TDRP: variants seen among roughly 807,000 people sequenced by gnomAD.
TDRP encodes the protein testis development-related protein.
TDRP carries 12 observed loss-of-function variants against 10.5 expected under a neutral mutation model. The observed-to-expected ratio is 1.15, with a 90% CI of 0.73 to 1.86. The LOEUF is 1.86. Among genes scored for constraint, TDRP ranks in the 40% most tolerant of loss-of-function variants. The probability of loss-of-function intolerance (pLI) is 0.00; values close to 1 mark genes in which losing one functional copy is unlikely to be tolerated. For synonymous variants in TDRP, 139 were observed against 95.4 expected, an observed-to-expected ratio of 1.46 and a Z score of -2.67; for missense variants, 353 against 229.2, an observed-to-expected ratio of 1.54 and a Z score of -3.49.
chr8:525,265 C>T (rs1802006741), intron 1 of TDRP, among the ~76,000 whole-genome samples: 1 of 152,090 alleles, frequency 6.6e-6, no homozygotes, highest in Admixed American at 6.5e-5. Flanking sequence ...CAAACAAAAG[C>T]TGAGGATTTT....
chr8:509,059 T>C (rs1801541149), intron 1 of TDRP, among the ~76,000 whole-genome samples: 1 of 152,208 alleles, frequency 6.6e-6, no homozygotes, highest in African/African-American at 2.4e-5. Context: ...CACAACCAGC[T>C]CGTGCTGATG....
intron 1 of TDRP, among the ~76,000 whole-genome samples, chr8:498,284 C>T (rs1563116630): frequency 6.6e-6 from 1 of 152,336 alleles, no homozygotes; most frequent in East Asian, 1.9e-4. Flanking sequence ...GCCACAGGGT[C>T]TGTGGAGATG....
chr8:522,798 A>G (rs762876568), intron 1 of TDRP, among the ~76,000 whole-genome samples: 18 of 152,266 alleles, frequency 1.2e-4, no homozygotes, highest in Non-Finnish European at 2.2e-4. Flanking sequence ...GTGTTTTGTG[A>G]CAGTTTTTGA....
chr8:508,899 G>A (rs1283195572), intron 1 of TDRP, among the ~76,000 whole-genome samples: 1 of 152,196 alleles, frequency 6.6e-6, no homozygotes, highest in African/African-American at 2.4e-5. Flanking sequence ...AGATACAATG[G>A]AGATACAGAC....
At chr8:510,274 T>C (rs1201869602) in intron 1 of TDRP, among the ~76,000 whole-genome samples, 2 of 152,212 alleles carry the variant, frequency 1.3e-5, no homozygotes, top group Admixed American at 6.5e-5. Flanking sequence ...AACCCTCTAA[T>C]TGCATGTTTG....
At chr8:537,020 A>G (rs949084763) in intron 1 of TDRP, among the ~76,000 whole-genome samples, 1 of 152,188 alleles carries the variant, frequency 6.6e-6, no homozygotes, top group East Asian at 1.9e-4. Flanking sequence ...ATCTGCATCA[A>G]GATCAGCTCC....
chr8:527,752 A>C (rs1042949423), intron 1 of TDRP, among the ~76,000 whole-genome samples: 6 of 152,192 alleles, frequency 3.9e-5, no homozygotes, highest in East Asian at 3.8e-4. Flanking sequence ...CACACACACA[A>C]AAAATCAAAT....
At chr8:530,792 T>C (rs1428438687) in intron 1 of TDRP, among the ~76,000 whole-genome samples, 3 of 152,152 alleles carry the variant, frequency 2.0e-5, no homozygotes, top group East Asian at 3.9e-4. Context: ...ATCAGTCTCT[T>C]GGGCAGTCCC....
intron 1 of TDRP, among the ~76,000 whole-genome samples, chr8:522,983 G>A (rs992617624): frequency 6.6e-6 from 1 of 152,126 alleles, no homozygotes; most frequent in African/African-American, 2.4e-5. Context: ...ACCACACGTA[G>A]TTTTGGTTGG....
At chr8:522,298 A>G (rs148912942) in intron 1 of TDRP, among the ~76,000 whole-genome samples, 238 of 152,324 alleles carry the variant, frequency 1.6e-3, no homozygotes, top group Non-Finnish European at 2.6e-3. Context: ...ACAGGAATTA[A>G]AAGAAATTAA....
chr8:533,126 C>T (rs1368450040), intron 1 of TDRP, among the ~76,000 whole-genome samples: 2 of 152,184 alleles, frequency 1.3e-5, no homozygotes, highest in Admixed American at 1.3e-4. Context: ...CCTTGTTCTT[C>T]CTGGTCTCAA....
At chr8:520,414 G>A (rs1801872548) in intron 1 of TDRP, among the ~76,000 whole-genome samples, 1 of 152,214 alleles carries the variant, frequency 6.6e-6, no homozygotes, top group South Asian at 2.1e-4. Context: ...GAACATGGGT[G>A]TGCAAATCTC....
chr8:494,087 G>A (rs182865545), intron 2 of TDRP, among the ~76,000 whole-genome samples: 1 of 146,798 alleles, frequency 6.8e-6, no homozygotes, highest in Non-Finnish European at 1.5e-5. Flanking sequence ...CTCCCGAGTA[G>A]CTGGGATTAT....
chr8:493,337 C>G (rs911862936), intron 2 of TDRP, among the ~76,000 whole-genome samples: 1 of 152,218 alleles, frequency 6.6e-6, no homozygotes, highest in South Asian at 2.1e-4. Flanking sequence ...TGCCCAGGCC[C>G]TCTCCTTCCA....
At chr8:543,381 T>A (rs757937776) in intron 1 of TDRP, among the ~76,000 whole-genome samples, 1 of 152,094 alleles carries the variant, frequency 6.6e-6, no homozygotes, top group Admixed American at 6.5e-5. Context: ...TGGGAGAACA[T>A]AGGAAGACTC....
chr8:544,837 C>A, upstream of TDRP: 5 of 1,051,752 alleles, frequency 4.8e-6, no homozygotes, highest in Non-Finnish European at 4.8e-6. Flanking sequence ...GACGCTCTGC[C>A]TGCGGCTCCT....
intron 1 of TDRP, among the ~76,000 whole-genome samples, chr8:519,403 G>C (rs970712835): frequency 2.6e-5 from 4 of 152,194 alleles, no homozygotes; most frequent in Non-Finnish European, 5.9e-5. Flanking sequence ...CCACTTTAGA[G>C]TCAGCTGAGT....
rs1800983129 is a variant in TDRP, at chr8:491,752, CA to C, written c.*646del. Reference sequence around the variant, plus strand: ...TTCAAAAGAGGTAAAAATAAAATTCCAAAAAAGAACCACTGTTACTATCCAG... The same window carrying C: ...TTCAAAAGAGGTAAAAATAAAATTCCAAAAAGAACCACTGTTACTATCCAG... On this transcript the variant is annotated 3_prime_UTR_variant, in exon 3 of 3. Coordinates refer to ENST00000324079, the MANE Select transcript of TDRP (RefSeq NM_001384899.1). The C allele has an allele frequency of 1.4e-6, 2 of 1,394,778 alleles. No homozygotes were observed. Among genetic ancestry groups the C allele is most frequent in the Non-Finnish European group, 9.2e-7 (1 of 1,083,858 alleles). The allele number at this position is 1,394,778 out of a possible 1,614,324, so 86.4% of individuals were successfully genotyped here. A position where few individuals can be genotyped will look rare whatever the true frequency, so the allele number is the denominator to read the frequency against.
chr8:530,943 C>CA (rs1802175183), intron 1 of TDRP, among the ~76,000 whole-genome samples: 1 of 152,164 alleles, frequency 6.6e-6, no homozygotes, highest in South Asian at 2.1e-4. Context: ...TCTGATGCTG[C>CA]AAAAAGCCAG....
Sources: allele counts gnomAD v4.1 joint callset (sites outside exome capture counted in the v4.1 genomes callset), GRCh38; gene constraint gnomAD v4.1.1; transcripts MANE v1.5; gene names NCBI Gene and HGNC (gene_info 2026-07-23, HGNC 2026-07-21).